CDH17: variants seen among roughly 807,000 people sequenced by gnomAD.
CDH17 encodes the protein cadherin-17.
A neutral mutation model predicts 86.3 loss-of-function variants in CDH17; 67 were observed. The ratio of observed to expected loss-of-function variants is 0.78; its 90% CI spans 0.64 to 0.95. The LOEUF (loss-of-function observed/expected upper bound fraction) is 0.95, where lower values mean the gene tolerates loss of function less well. Among genes scored for constraint, CDH17 ranks in the 40% least tolerant of loss-of-function variants. The probability of loss-of-function intolerance (pLI) is 0.00; values close to 1 mark genes in which losing one functional copy is unlikely to be tolerated. For synonymous variants in CDH17, 367 were observed against 366.4 expected, an observed-to-expected ratio of 1.00 and a Z score of -0.02; for missense variants, 993 against 1,017.6, an observed-to-expected ratio of 0.98 and a Z score of 0.33.
At chr8:94,191,253 C>A (rs185211744) in intron 2 of CDH17, among the ~76,000 whole-genome samples, 2 of 152,186 alleles carry the variant, frequency 1.3e-5, no homozygotes, top group East Asian at 1.9e-4. Flanking sequence ...TGTGATGAAC[C>A]CTGAGAGGAC....
rs1813972937 is a variant in CDH17, at chr8:94,203,959, A to G, written c.-21+4524T>C. On this transcript the variant is annotated intron_variant, in intron 1 of 17. Transcript: ENST00000027335. The stretch of plus-strand genomic sequence containing the variant: ...TATATGAAAATCTGGATTTACACAC[A>G]TGCAAAATTAGAGGTGATGATTTGT... Among the ~76,000 whole-genome samples, 6 of 152,346 alleles carry G rather than the reference A, an allele frequency of 3.9e-5. No individual in the cohort carries two copies. The South Asian group carries it at 1.2e-3, about 32-fold the overall frequency.
chr8:94,174,922 AATG>A (rs1329017005), intron 5 of CDH17, among the ~76,000 whole-genome samples: 2 of 152,184 alleles, frequency 1.3e-5, no homozygotes, highest in Non-Finnish European at 2.9e-5. Flanking sequence ...TGTTATTTTT[AATG>A]AATTAATAAT....
intron 13 of CDH17, 75 bp from the exon 14 acceptor site, chr8:94,148,949 C>T: frequency 7.6e-7 from 1 of 1,323,718 alleles, no homozygotes; most frequent in South Asian, 1.4e-5. Context: ...TGTGCGTCAA[C>T]TAAATATGTT....
intron 12 of CDH17, among the ~76,000 whole-genome samples, chr8:94,159,438 T>C (rs922518770): frequency 6.6e-5 from 10 of 152,140 alleles, no homozygotes; most frequent in Non-Finnish European, 7.4e-5. Flanking sequence ...AAAAGGTATC[T>C]CTGCCTGGCA....
chr8:94,209,426 GT>G (rs1462467713), upstream of CDH17, among the ~76,000 whole-genome samples: 1 of 152,174 alleles, frequency 6.6e-6, no homozygotes, highest in African/African-American at 2.4e-5. Context: ...CTGAGCTGAG[GT>G]TGTGTTTTCC....
chr8:94,128,267 T>G lies in CDH17; in HGVS notation c.2472A>C (p.Ala824=), dbSNP rs775162680. Residue 824 remains alanine (A), a synonymous_variant, in exon 18 of 18, where the codon GCA becomes GCC. Coordinates refer to ENST00000027335, the MANE Select transcript of CDH17 (RefSeq NM_004063.4). ...AGCTTCTCAGAGGTTTGACTTCAGA[T>G]GCTTGAGCACTTTCAACATTATCTT... ...KGKDNVESAQ[A]SEVKPLRS is the part of the protein sequence containing the mutation. 3 of 1,613,406 alleles carry G rather than the reference T, an allele frequency of 1.9e-6. No homozygotes were observed.
intron 10 of CDH17, 86 bp from the exon 11 acceptor site, chr8:94,162,248 T>C: frequency 1.1e-6 from 1 of 893,200 alleles, no homozygotes; most frequent in Admixed American, 1.9e-5. Flanking sequence ...ACTTGGCAAG[T>C]GAAGTGACAG....
At chr8:94,139,497 A>G (rs1455104738) in intron 15 of CDH17, among the ~76,000 whole-genome samples, 2 of 152,246 alleles carry the variant, frequency 1.3e-5, no homozygotes, top group African/African-American at 4.8e-5. Flanking sequence ...AGAAAAATGA[A>G]TAAAATGCCA....
chr8:94,173,824 A>G lies in CDH17; in HGVS notation c.756T>C (p.Thr252=), dbSNP rs1046684231. The G allele has an allele frequency of 1.4e-5, 22 of 1,613,846 alleles. No homozygotes were observed. The highest frequency in any genetic ancestry group is 1.9e-5 in the Non-Finnish European group (22 of 1,179,850). The change falls in exon 7 of 18, where the codon ACT becomes ACC. Residue 252 remains threonine (T), a synonymous_variant. Coordinates refer to ENST00000027335, the MANE Select transcript of CDH17 (RefSeq NM_004063.4). Reference sequence around the variant, plus strand: ...GAGTGATTTTGATGGGGTGAGGATCAGTTGAGTTTTCCACCATCTCCACAG... The same window carrying G: ...GAGTGATTTTGATGGGGTGAGGATCGGTTGAGTTTTCCACCATCTCCACAG... ...PKPVEMVENS[T]DPHPIKITQV... is the part of the protein sequence containing the mutation.
chr8:94,147,419 G>A (rs955808378), intron 14 of CDH17, among the ~76,000 whole-genome samples: 3 of 152,144 alleles, frequency 2.0e-5, no homozygotes, highest in Admixed American at 2.0e-4. Context: ...TGCAGGGGCC[G>A]TTTTTATGAT....
At chr8:94,135,645 C>T (rs558078919) in intron 15 of CDH17, among the ~76,000 whole-genome samples, 1 of 152,170 alleles carries the variant, frequency 6.6e-6, no homozygotes, top group Admixed American at 6.5e-5. Context: ...GGCATTTAGC[C>T]CATTTACATT....
intron 1 of CDH17, among the ~76,000 whole-genome samples, chr8:94,207,776 A>T (rs1202186021): frequency 6.6e-6 from 1 of 152,192 alleles, no homozygotes. Context: ...GACAGAGGCA[A>T]ATATCGGACC....
chr8:94,130,141 T>G (rs1812384056), intron 17 of CDH17, among the ~76,000 whole-genome samples: 1 of 152,190 alleles, frequency 6.6e-6, no homozygotes, highest in Non-Finnish European at 1.5e-5. Flanking sequence ...TTCTGGGTAG[T>G]AAAGAATCAG....
At chr8:94,214,334 T>C (rs1814164863) in intron 1 of CDH17, among the ~76,000 whole-genome samples, 1 of 152,150 alleles carries the variant, frequency 6.6e-6, no homozygotes, top group Admixed American at 6.5e-5. Context: ...CCCCCTTCTG[T>C]GCCTGTGGGT....
At chr8:94,199,293 C>G (rs1015140642) in intron 1 of CDH17, among the ~76,000 whole-genome samples, 1 of 151,602 alleles carries the variant, frequency 6.6e-6, no homozygotes, top group African/African-American at 2.4e-5. Context: ...TAAGAGCTTT[C>G]AATAAACATG....
chr8:94,212,296 C>G (rs1171852222), upstream of CDH17, among the ~76,000 whole-genome samples: 1 of 152,194 alleles, frequency 6.6e-6, no homozygotes, highest in African/African-American at 2.4e-5. Context: ...GCTGGGACTA[C>G]AGGCACACAC....
At chr8:94,165,238 CT>C (rs1238398826) in intron 10 of CDH17, among the ~76,000 whole-genome samples, 1 of 152,212 alleles carries the variant, frequency 6.6e-6, no homozygotes, top group African/African-American at 2.4e-5. Flanking sequence ...CTCCCCTGGA[CT>C]GTACACAGCC....
In CDH17 at chr8:94,145,985, T is replaced by C. The variant is rs887193617; in HGVS notation, c.2110A>G (p.Thr704Ala). Reference protein sequence around the residue: ...DQHLFRGPHFTFSLGSGSLQN... With the variant: ...DQHLFRGPHFAFSLGSGSLQN... Reference sequence around the variant, plus strand: ...AAGCTTCCACTGCCGAGGGAAAATGTAAAATGGGGACCCCGAAATAAGTGC... The same window carrying C: ...AAGCTTCCACTGCCGAGGGAAAATGCAAAATGGGGACCCCGAAATAAGTGC... Residue 704 changes from threonine to alanine, a missense_variant, in exon 15 of 18, where the codon ACA (threonine) becomes GCA (alanine). Transcript: ENST00000027335. 5 of 1,613,928 alleles carry C rather than the reference T, an allele frequency of 3.1e-6. No individual in the cohort carries two copies. The highest frequency in any genetic ancestry group is 4.2e-6 in the Non-Finnish European group (5 of 1,179,902).
chr8:94,189,184 T>C lies in CDH17; in HGVS notation c.150+3A>G, dbSNP rs777853109. 2 of 1,607,508 alleles carry C rather than the reference T, an allele frequency of 1.2e-6. No homozygotes were observed. The highest frequency in any genetic ancestry group is 1.7e-5 in the Admixed American group (1 of 59,386). On this transcript the variant is annotated splice_donor_region_variant and intron_variant, in intron 3 of 17. Transcript: ENST00000027335. ...GAGGACAGTGATCAAGGGTAGCTTTTACCTGGAATATAATTTGACTCGGTT... is the reference window on the plus strand; with the variant it reads ...GAGGACAGTGATCAAGGGTAGCTTTCACCTGGAATATAATTTGACTCGGTT...
Sources: gnomAD v4.1 joint callset for allele counts (sites outside exome capture counted in the v4.1 genomes callset) on GRCh38, gnomAD v4.1.1 for gene constraint, MANE v1.5 for transcripts, NCBI Gene and HGNC (gene_info 2026-07-23, HGNC 2026-07-21) for gene names.